Variants in TUBGCP3 observed in about 807,000 individuals in gnomAD.
TUBGCP3 encodes gamma-tubulin complex component 3.
Under a neutral mutation model 123.1 loss-of-function variants are expected in TUBGCP3, and 50 were observed. That is an observed-to-expected ratio of 0.41 (90% CI 0.32 to 0.51). The LOEUF is 0.51. Ranked by LOEUF, TUBGCP3 falls within the 20% of genes least tolerant of loss-of-function variation. TUBGCP3 has a pLI of 0.36. For missense variants in TUBGCP3, 882 were observed against 1,127.0 expected (o/e 0.78, Z 3.11); for synonymous variants, 405 against 413.9 (o/e 0.98, Z 0.26).
At chr13:112,487,081 G>C (rs200715833) in intron 21 of TUBGCP3, among the ~76,000 whole-genome samples, 16 of 107,314 alleles carry the variant, frequency 1.5e-4, no homozygotes, top group African/African-American at 2.7e-4. Context: ...GTGTGTGTGT[G>C]TCTGTGTGTG....
chr13:112,589,486 C>T (rs1393053383), upstream of TUBGCP3, among the ~76,000 whole-genome samples: 4 of 152,236 alleles, frequency 2.6e-5, no homozygotes. Context: ...CAGGAGCAAT[C>T]ATCTCAACAA....
intron 1 of TUBGCP3, among the ~76,000 whole-genome samples, chr13:112,569,529 A>C (rs1484712063): frequency 1.3e-5 from 2 of 152,212 alleles, no homozygotes; most frequent in Admixed American, 6.5e-5. Context: ...GTAATCACGA[A>C]AAGAAAAGGA....
chr13:112,602,541 C>A, the TUBGCP3 span, among the ~76,000 whole-genome samples: 1 of 152,136 alleles, frequency 6.6e-6, no homozygotes, highest in Non-Finnish European at 1.5e-5. Context: ...AATGCCCAGA[C>A]GGGCCATTTA....
chr13:112,545,378 G>C lies in TUBGCP3; in HGVS notation c.1335+321C>G. The stretch of plus-strand genomic sequence containing the variant: ...TAATCATGGCAAAGCAGCAGAATCT[G>C]CGATGATGACTGCCCCAAGACTCAG... On this transcript the variant is annotated intron_variant, in intron 11 of 21. Transcript: ENST00000261965. The surrounding 1 kb of genome is among the most constrained non-coding windows in gnomAD (Gnocchi z 4.1). 3.6e-6 allele frequency: 1 copy of C among 280,270 alleles called. No individual in the cohort carries two copies. Among genetic ancestry groups the C allele is most frequent in the Non-Finnish European group, 6.9e-6 (1 of 144,478 alleles). The allele number at this position is 280,270 out of a possible 1,614,324, so 17.4% of individuals were successfully genotyped here. A position where few individuals can be genotyped will look rare whatever the true frequency, so the allele number is the denominator to read the frequency against.
chr13:112,604,084 T>C, the TUBGCP3 span: 4 of 152,224 alleles, frequency 2.6e-5, no homozygotes, highest in Non-Finnish European at 4.4e-5. Flanking sequence ...GGTGAACTCA[T>C]AGAATCACTA....
At chr13:112,550,542 G>A (rs538640423) in intron 8 of TUBGCP3, among the ~76,000 whole-genome samples, 35 of 152,308 alleles carry the variant, frequency 2.3e-4, no homozygotes, top group African/African-American at 6.7e-4. Context: ...TGGAGGTACC[G>A]CCACGTGTCA....
rs1157734155 is a variant in TUBGCP3 at position 112,586,801 on chromosome 13, A to T, written c.76+1104T>A. Among the ~76,000 whole-genome samples the T allele has an allele frequency of 2.0e-5, 3 of 152,106 alleles. No homozygotes were observed. In the South Asian group the frequency reaches 6.2e-4, roughly 32 times the overall value. ...GCACTTAGCACAGTTCCCGGGGGGA[A>T]CTTTGAGGACGGGGTTGTCCTCAAA... is the stretch of plus-strand genomic sequence containing the variant. On this transcript the variant is annotated intron_variant, in intron 1 of 21. Coordinates refer to ENST00000261965, the MANE Select transcript of TUBGCP3 (RefSeq NM_006322.6).
In TUBGCP3 at chr13:112,493,195, T is replaced by C. The variant is rs1880246145; in HGVS notation, c.2449-3498A>G. ...ACGGGGCCTGGTGTCCCTGAGACGC[T>C]CTAGCTCTGGGAACGGGGGCTGGTG... is the stretch of plus-strand genomic sequence containing the variant. On this transcript the variant is annotated intron_variant, in intron 20 of 21. Coordinates refer to ENST00000261965, the MANE Select transcript of TUBGCP3 (RefSeq NM_006322.6). 2.9e-5 allele frequency among the ~76,000 whole-genome samples: 4 copies of C among 137,612 alleles called. No individual in the cohort carries two copies. In the South Asian group the frequency reaches 9.4e-4, roughly 32 times the overall value. The allele number at this position is 137,612 out of a possible 152,430, so 90.3% of individuals were successfully genotyped here. A position where few individuals can be genotyped will look rare whatever the true frequency, so the allele number is the denominator to read the frequency against.
Position 112,538,207 on chromosome 13 carries a change from C to T in TUBGCP3, c.1335+7492G>A, listed in dbSNP as rs1003373915. Among the ~76,000 whole-genome samples, 11 of 152,188 alleles carry T rather than the reference C, an allele frequency of 7.2e-5. 1 individual carries two copies. On this transcript the variant is annotated intron_variant, in intron 11 of 21. Coordinates refer to ENST00000261965, the MANE Select transcript of TUBGCP3 (RefSeq NM_006322.6). ...GCTCAAAAAATCCAAGCATCTTGGA[C>T]ACCAGCATGACACTGACAGGAAATG...
Position 112,524,901 on chromosome 13 carries a change from G to A in TUBGCP3, c.1555+2041C>T, listed in dbSNP as rs751406244. Reference sequence around the variant, plus strand: ...TCAGCTACTGAAAACCAAATTGCCCGAAATGACATTCCTCTCTCAGTGCTA... The same window carrying A: ...TCAGCTACTGAAAACCAAATTGCCCAAAATGACATTCCTCTCTCAGTGCTA... On this transcript the variant is annotated intron_variant, in intron 13 of 21. Coordinates refer to ENST00000261965, the MANE Select transcript of TUBGCP3 (RefSeq NM_006322.6). This position sits in a 1 kb window ranked among gnomAD's most constrained non-coding sequence, Gnocchi z 4.4. Among the ~76,000 whole-genome samples, 3 of 152,124 alleles carry A rather than the reference G, an allele frequency of 2.0e-5. No individual in the cohort carries two copies. The highest frequency in any genetic ancestry group is 2.1e-4 in the South Asian group (1 of 4,830).
At chr13:112,534,945 C>T (rs903205587) in intron 11 of TUBGCP3, among the ~76,000 whole-genome samples, 2 of 152,210 alleles carry the variant, frequency 1.3e-5, no homozygotes, top group Admixed American at 6.5e-5. Flanking sequence ...TCATTCCTCT[C>T]TGCCTCCCCA....
Position 112,558,186 on chromosome 13 carries a change from G to A in TUBGCP3, c.548+10C>T, listed in dbSNP as rs896286280. The A allele has an allele frequency of 2.5e-6, 4 of 1,606,246 alleles. No homozygotes were observed. The highest frequency in any genetic ancestry group is 2.6e-6 in the Non-Finnish European group (3 of 1,176,080). On this transcript the variant is annotated intron_variant, in intron 5 of 21. Transcript: ENST00000261965. ...ACATAGAGAATCTATACACGTCAGT[G>A]TGGCCTTACCCTGGGAGGAGAGATT... is the stretch of plus-strand genomic sequence containing the variant.
chr13:112,547,115 G>C (rs1263852849), intron 10 of TUBGCP3: 2 of 257,248 alleles, frequency 7.8e-6, no homozygotes, highest in Non-Finnish European at 1.5e-5. Flanking sequence ...AGAGGCCAAA[G>C]CAAGACATGC....
At chr13:112,587,837 A>G in intron 1 of TUBGCP3, 68 bp downstream of exon 1, 3 of 1,399,294 alleles carry the variant, frequency 2.1e-6, no homozygotes, top group Non-Finnish European at 1.9e-6. Context: ...GGAACGTATT[A>G]GGGCTGCACG....
chr13:112,496,250 G>A (rs984027591), intron 20 of TUBGCP3, among the ~76,000 whole-genome samples: 13 of 152,180 alleles, frequency 8.5e-5, no homozygotes, highest in African/African-American at 1.2e-4. Flanking sequence ...TATTTATAGC[G>A]TGTGAGAAGA....
At chr13:112,503,456 G>C (rs1881070735) in intron 19 of TUBGCP3, among the ~76,000 whole-genome samples, 1 of 152,086 alleles carries the variant, frequency 6.6e-6, no homozygotes, top group Admixed American at 6.5e-5. Flanking sequence ...TGCAACCTCT[G>C]CCACCCGGGT....
chr13:112,490,550 T>C (rs969718611), intron 20 of TUBGCP3, among the ~76,000 whole-genome samples: 2 of 152,246 alleles, frequency 1.3e-5, no homozygotes, highest in African/African-American at 4.8e-5. Context: ...CCACCGCTCC[T>C]GGCCATGATT....
chr13:112,593,332 C>T, the TUBGCP3 span, among the ~76,000 whole-genome samples: 16 of 152,136 alleles, frequency 1.1e-4, no homozygotes, highest in African/African-American at 3.6e-4. Flanking sequence ...GCAAGAGAAT[C>T]ACTTGAACCC....
intron 11 of TUBGCP3, among the ~76,000 whole-genome samples, chr13:112,530,812 G>GA (rs1327540105): frequency 1.3e-5 from 2 of 152,046 alleles, no homozygotes; most frequent in Non-Finnish European, 2.9e-5. Flanking sequence ...CAAATACACA[G>GA]AAAAAATCAG....
Sources: allele counts gnomAD v4.1 joint callset (sites outside exome capture counted in the v4.1 genomes callset), GRCh38; gene constraint gnomAD v4.1.1; non-coding constraint Gnocchi (gnomAD v3.1); transcripts MANE v1.5; gene names NCBI Gene and HGNC (gene_info 2026-07-23, HGNC 2026-07-21).